SQLE: variants seen among roughly 807,000 people sequenced by gnomAD.
SQLE encodes squalene monooxygenase.
SQLE carries 29 observed loss-of-function variants against 60.7 expected under a neutral mutation model. The ratio of observed to expected loss-of-function variants is 0.48; its 90% confidence interval spans 0.36 to 0.65. SQLE has a LOEUF of 0.65. Among genes scored for constraint, SQLE ranks in the 30% least tolerant of loss-of-function variants. SQLE has a pLI of 0.00. For missense variants in SQLE, 605 were observed against 684.1 expected, an observed-to-expected ratio of 0.88 and a Z score of 1.29; for synonymous variants, 237 against 246.8, an observed-to-expected ratio of 0.96 and a Z score of 0.37.
At chr8:125,000,188 C>T (rs1814820035) in intron 1 of SQLE, 2 of 382,676 alleles carry the variant, frequency 5.2e-6, no homozygotes, top group Admixed American at 3.4e-5. Flanking sequence ...AAGTTCTCCT[C>T]CCCCGAATAT....
Position 124,999,028 on chromosome 8 carries a change from T to C in SQLE, c.-376T>C, listed in dbSNP as rs957462670. 2 of 268,226 alleles carry C rather than the reference T, an allele frequency of 7.5e-6. No homozygotes were observed. Among genetic ancestry groups the C allele is most frequent in the East Asian group, 1.4e-4 (2 of 14,616 alleles). The allele number at this position is 268,226 out of a possible 1,614,324, so 16.6% of individuals were successfully genotyped here. A position where few individuals can be genotyped will look rare whatever the true frequency, so the allele number is the denominator to read the frequency against. On this transcript the variant is annotated 5_prime_UTR_variant, in exon 1 of 11. Transcript: ENST00000265896. ...CTGCTCTTGGTGAGAAAAGAAATTA[T>C]AGCACGAAGAGCCAGTATCAGAAGA...
At position 124,999,233 on chromosome 8, in the gene SQLE, A is replaced by G. The variant is rs1275774681; in HGVS notation, c.-171A>G. ...CTTCACATACTTTTACACTAACTTT[A>G]TATGATTTTTAAAAACTGGTCTGAT... On this transcript the variant is annotated 5_prime_UTR_variant, in exon 1 of 11. Transcript: ENST00000265896. 2 of 549,318 alleles carry G rather than the reference A, an allele frequency of 3.6e-6. No homozygotes were observed. The highest frequency in any genetic ancestry group is 3.9e-5 in the African/African-American group (2 of 51,164). The allele number at this position is 549,318 out of a possible 1,614,324, so 34.0% of individuals were successfully genotyped here.
chr8:125,019,981 T>A (rs1170087537), intron 9 of SQLE, among the ~76,000 whole-genome samples: 1 of 152,126 alleles, frequency 6.6e-6, no homozygotes, highest in African/African-American at 2.4e-5. Context: ...TAACTAAGTT[T>A]AGAGTTTTGG....
At position 125,003,198 on chromosome 8, in the gene SQLE, C is replaced by T. The variant is rs1814889107; in HGVS notation, c.314C>T (p.Ser105Leu). The change falls in exon 2 of 11, where the codon TCA (serine) becomes TTA (leucine). Residue 105 changes from serine (S) to leucine (L), a missense_variant. Transcript: ENST00000265896. ...ARRRRKGTNI[S>L]ETSLIGTAAC... is the part of the protein sequence containing the mutation. ...CAGCGCAGAAAAGGAACCAATATTT[C>T]AGAAACAAGCTTAATAGGAACAGCT... The T allele has an allele frequency of 6.2e-7, 1 of 1,607,792 alleles. No individual in the cohort carries two copies. Among genetic ancestry groups the T allele is most frequent in the African/African-American group, 1.3e-5 (1 of 74,306 alleles).
chr8:124,999,629 A>C lies in SQLE; in HGVS notation c.226A>C (p.Ile76Leu). ...FSDILSGLPF[I>L]GFFWAKSPPE... ...GGATATTCTCTCAGGCCTGCCTTTC[A>C]TTGGCTTCTTCTGGGCCAAATCCCC... Residue 76 changes from isoleucine to leucine, a missense_variant, in exon 1 of 11, where the codon ATT (isoleucine) becomes CTT (leucine). Ile to Leu is a conservative substitution (Grantham distance 5). Coordinates refer to ENST00000265896, the MANE Select transcript of SQLE (RefSeq NM_003129.4). 1 of 1,612,964 alleles carries C rather than the reference A, an allele frequency of 6.2e-7. No homozygotes were observed.
At chr8:125,005,848 A>G in intron 3 of SQLE, 143 bp downstream of exon 3, 6 of 590,152 alleles carry the variant, frequency 1.0e-5, no homozygotes, top group Non-Finnish European at 1.5e-5. Context: ...ACTGTCAGTC[A>G]AAAGAGTGTT....
intron 10 of SQLE, 107 bp from the exon 11 acceptor site, chr8:125,021,646 A>G: frequency 1.3e-6 from 1 of 790,284 alleles, no homozygotes; most frequent in Non-Finnish European, 1.9e-6. Flanking sequence ...TGCTTGGGTA[A>G]AAAAAAGTAG....
intron 7 of SQLE, among the ~76,000 whole-genome samples, chr8:125,012,746 A>G (rs1021988842): frequency 2.0e-5 from 3 of 152,214 alleles, no homozygotes; most frequent in African/African-American, 7.2e-5. Flanking sequence ...GTGTGGACAT[A>G]TATTTTCATT....
At position 125,011,744 on chromosome 8, in the gene SQLE, G is replaced by A. The variant is rs1815042387; in HGVS notation, c.1204+112G>A. 5 of 898,838 alleles carry A rather than the reference G, an allele frequency of 5.6e-6. No homozygotes were observed. The South Asian group carries it at 8.3e-5, about 15-fold the overall frequency. The allele number at this position is 898,838 out of a possible 1,614,324, so 55.7% of individuals were successfully genotyped here. ...CTGGGACAGATAGTTTGTCACTGTG[G>A]ATTAGTGCATTATTAATACCAAAAT... On this transcript the variant is annotated intron_variant, in intron 7 of 10. Transcript: ENST00000265896.
At position 124,999,003 on chromosome 8, in the gene SQLE, C is replaced by T; in HGVS notation, c.-401C>T. The T allele has an allele frequency of 3.6e-6, 1 of 281,162 alleles. No individual in the cohort carries two copies. The highest frequency in any genetic ancestry group is 6.3e-5 in the East Asian group (1 of 15,886). The allele number at this position is 281,162 out of a possible 1,614,324, so 17.4% of individuals were successfully genotyped here. On this transcript the variant is annotated 5_prime_UTR_variant, in exon 1 of 11. Transcript: ENST00000265896. ...CTCCCATTCCCTTCTGAAAGGGCAC[C>T]TGCTCTTGGTGAGAAAAGAAATTAT...
intron 10 of SQLE, 126 bp from the exon 11 acceptor site, chr8:125,021,627 G>T: frequency 1.5e-6 from 1 of 673,852 alleles, no homozygotes; most frequent in African/African-American, 1.8e-5. Flanking sequence ...GTTTCATACA[G>T]AATTATGATG....
Position 124,999,429 on chromosome 8 carries a change from C to G in SQLE, c.26C>G (p.Thr9Ser). MWTFLGIA[T>S]FTYFYKKFGD... ...ATGTGGACTTTTCTGGGCATTGCCA[C>G]TTTCACCTATTTTTATAAGAAGTTC... is the stretch of plus-strand genomic sequence containing the variant. Residue 9 changes from threonine to serine, a missense_variant, in exon 1 of 11, where the codon ACT (threonine) becomes AGT (serine). Physicochemically the swap from Thr to Ser is moderately conservative, Grantham distance 58. Transcript: ENST00000265896. The G allele has an allele frequency of 6.6e-7, 1 of 1,523,880 alleles. No homozygotes were observed. Among genetic ancestry groups the G allele is most frequent in the Non-Finnish European group, 8.8e-7 (1 of 1,135,330 alleles). 94.4% of individuals were successfully genotyped at this position (1,523,880 alleles called of 1,614,324 possible). A position where few individuals can be genotyped will look rare whatever the true frequency, so the allele number is the denominator to read the frequency against.
rs756633549 is a variant in SQLE at position 124,999,668 on chromosome 8, A to G, written c.265A>G (p.Asn89Asp). Residue 89 changes from asparagine to aspartate, a missense_variant, in exon 1 of 11, where the codon AAT (asparagine) becomes GAT (aspartate). Coordinates refer to ENST00000265896, the MANE Select transcript of SQLE (RefSeq NM_003129.4). ...GGCCAAATCCCCCCCTGAATCAGAA[A>G]ATAAGGAGCAGCTCGAGGCCAGGAG... ...FWAKSPPESE[N>D]KEQLEARRRR... 6.2e-6 allele frequency: 10 copies of G among 1,604,718 alleles called. No homozygotes were observed. The highest frequency in any genetic ancestry group is 1.7e-4 in the Middle Eastern group (1 of 6,048).
intron 4 of SQLE, among the ~76,000 whole-genome samples, chr8:125,008,221 C>G (rs1422561419): frequency 6.6e-6 from 1 of 152,122 alleles, no homozygotes; most frequent in African/African-American, 2.4e-5. Flanking sequence ...TCCTGAGTAG[C>G]TGGGATTACA....
chr8:125,017,100 G>A, intron 7 of SQLE, among the ~76,000 whole-genome samples: 1 of 152,050 alleles, frequency 6.6e-6, no homozygotes, highest in Non-Finnish European at 1.5e-5. Context: ...ATTGGTGAAA[G>A]GCTTGTGGTG....
Position 125,021,810 on chromosome 8 carries a change from C to G in SQLE, c.1590C>G (p.Ala530=), listed in dbSNP as rs2293985. Residue 530 remains alanine (A), a synonymous_variant, in exon 11 of 11, where the codon GCC becomes GCG. Coordinates refer to ENST00000265896, the MANE Select transcript of SQLE (RefSeq NM_003129.4). The part of the protein sequence containing the change: ...IGHFFAVAIY[A]VYFCFKSEPW... ...ACTTCTTTGCTGTTGCAATCTATGC[C>G]GTGTATTTTTGCTTTAAGTCAGAAC... 1.2e-6 allele frequency: 2 copies of G among 1,609,364 alleles called. No homozygotes were observed. Among genetic ancestry groups the G allele is most frequent in the Admixed American group, 3.4e-5 (2 of 59,344 alleles).
Position 125,003,173 on chromosome 8 carries a change from C to T in SQLE, c.292-3C>T, listed in dbSNP as rs762014830. On this transcript the variant is annotated splice_region_variant and splice_polypyrimidine_tract_variant and intron_variant, in intron 1 of 10. Coordinates refer to ENST00000265896, the MANE Select transcript of SQLE (RefSeq NM_003129.4). Reference sequence around the variant, plus strand: ...CCTAGTTTACCTTTTTTTTTTTAAACAGCGCAGAAAAGGAACCAATATTTC... The same window carrying T: ...CCTAGTTTACCTTTTTTTTTTTAAATAGCGCAGAAAAGGAACCAATATTTC... 3 of 1,545,846 alleles carry T rather than the reference C, an allele frequency of 1.9e-6. No individual in the cohort carries two copies. The highest frequency in any genetic ancestry group is 4.4e-5 in the Admixed American group (2 of 45,868).
chr8:125,020,645 G>T, intron 9 of SQLE, 139 bp from the exon 10 acceptor site: 1 of 586,540 alleles, frequency 1.7e-6, no homozygotes, highest in South Asian at 2.2e-5. Context: ...AGAAATCCTG[G>T]TTGTTGAAAT....
rs182888421 is a variant in SQLE, at chr8:125,003,490, C to G, written c.544+62C>G. 868 of 1,549,284 alleles carry G rather than the reference C, an allele frequency of 5.6e-4. 6 individuals are homozygous for G. The African/African-American group carries it at 0.011, about 19-fold the overall frequency. ...ATGAACAAGCACTCTTCACTTAGAC[C>G]ATCCTATGACCAGTAAGAAGGTATT... On this transcript the variant is annotated intron_variant, in intron 2 of 10. Coordinates refer to ENST00000265896, the MANE Select transcript of SQLE (RefSeq NM_003129.4).
Sources: allele counts gnomAD v4.1 joint callset (sites outside exome capture counted in the v4.1 genomes callset), GRCh38; gene constraint gnomAD v4.1.1; transcripts MANE v1.5; gene names NCBI Gene and HGNC (gene_info 2026-07-23, HGNC 2026-07-21).